ACKR2: variants seen among roughly 807,000 people sequenced by gnomAD.
ACKR2 encodes C-C chemokine receptor D6.
For synonymous variants in ACKR2, 207 were observed against 192.2 expected, an observed-to-expected ratio of 1.08 and a Z score of -0.64; for missense variants, 457 against 477.3, an observed-to-expected ratio of 0.96 and a Z score of 0.40.
chr3:42,864,602 A>G lies in ACKR2; in HGVS notation c.100A>G (p.Met34Val). 2 of 1,614,152 alleles carry G rather than the reference A, an allele frequency of 1.2e-6. No homozygotes were observed. ...YYDYLDEVAF[M>V]LCRKDAVVSF... ...TGACTACCTGGATGAAGTGGCCTTC[A>G]TGCTCTGCAGGAAGGATGCAGTGGT... Residue 34 changes from methionine to valine, a missense_variant, in exon 3 of 3, where the codon ATG (methionine) becomes GTG (valine). By Grantham distance (21) the Met-to-Val change is conservative (BLOSUM62 1). Transcript: ENST00000422265.
intron 1 of ACKR2, among the ~76,000 whole-genome samples, chr3:42,810,665 C>G (rs1700686142): frequency 6.6e-6 from 1 of 152,120 alleles, no homozygotes. Context: ...CGACCACTAC[C>G]AATAAAAAAA....
At chr3:42,860,413 C>T (rs2088373906) in intron 2 of ACKR2, among the ~76,000 whole-genome samples, 1 of 152,108 alleles carries the variant, frequency 6.6e-6, no homozygotes, top group Non-Finnish European at 1.5e-5. Flanking sequence ...GAGACTTTAA[C>T]ACCCCACTGT....
At chr3:42,817,000 G>A (rs1391918037) in intron 1 of ACKR2, among the ~76,000 whole-genome samples, 1 of 152,156 alleles carries the variant, frequency 6.6e-6, no homozygotes, top group Non-Finnish European at 1.5e-5. Context: ...ACACGGCTTT[G>A]AATAACAGCT....
chr3:42,845,109 A>C (rs1393974065), intron 2 of ACKR2, among the ~76,000 whole-genome samples: 1 of 152,162 alleles, frequency 6.6e-6, no homozygotes, highest in Admixed American at 6.5e-5. Context: ...GTGCCCCCTA[A>C]GTCCCGCAAA....
chr3:42,820,822 G>C (rs1299373365), intron 2 of ACKR2, among the ~76,000 whole-genome samples: 1 of 151,678 alleles, frequency 6.6e-6, no homozygotes. Context: ...CTGGGCTAAG[G>C]TGCAGCTTGT....
chr3:42,865,453 C>T lies in ACKR2; in HGVS notation c.951C>T (p.His317=). The stretch of plus-strand genomic sequence containing the variant: ...CCATCCTGTATGCCTTCTCCAGTCA[C>T]CGCTTCCGCCAGTACCTGAAGGCTT... ...FSPILYAFSS[H]RFRQYLKAFL... The change falls in exon 3 of 3, where the codon CAC becomes CAT. Residue 317 remains histidine, a synonymous_variant. Coordinates refer to ENST00000422265, the MANE Select transcript of ACKR2 (RefSeq NM_001296.5). The T allele has an allele frequency of 1.2e-6, 2 of 1,614,216 alleles. No homozygotes were observed. The highest frequency in any genetic ancestry group is 1.7e-6 in the Non-Finnish European group (2 of 1,180,050).
intron 1 of ACKR2, among the ~76,000 whole-genome samples, chr3:42,816,807 C>T (rs1700755362): frequency 6.6e-6 from 1 of 152,088 alleles, no homozygotes; most frequent in Admixed American, 6.6e-5. Context: ...ATCTGCCCAC[C>T]TCAGCCTCCC....
intron 1 of ACKR2, among the ~76,000 whole-genome samples, chr3:42,814,622 G>A (rs1700730803): frequency 6.6e-6 from 1 of 152,138 alleles, no homozygotes; most frequent in Admixed American, 6.6e-5. Context: ...TGAGAAAATT[G>A]GTAATAATTA....
At chr3:42,814,264 C>T (rs985618451) in intron 1 of ACKR2, among the ~76,000 whole-genome samples, 1 of 152,146 alleles carries the variant, frequency 6.6e-6, no homozygotes, top group Admixed American at 6.6e-5. Flanking sequence ...TTCCATTCTT[C>T]GTATTGGGCG....
chr3:42,833,948 A>G (rs962917639), intron 2 of ACKR2, among the ~76,000 whole-genome samples: 3 of 152,044 alleles, frequency 2.0e-5, no homozygotes, highest in Non-Finnish European at 4.4e-5. Flanking sequence ...AATATTTCAA[A>G]CATTTTCATT....
intron 2 of ACKR2, among the ~76,000 whole-genome samples, chr3:42,860,072 T>A (rs533314173): frequency 6.7e-6 from 1 of 149,012 alleles, no homozygotes; most frequent in Admixed American, 6.8e-5. Flanking sequence ...GACCCATCGG[T>A]GTGCTGTATT....
chr3:42,829,563 A>G (rs980453559), intron 2 of ACKR2, among the ~76,000 whole-genome samples: 1 of 152,036 alleles, frequency 6.6e-6, no homozygotes, highest in Non-Finnish European at 1.5e-5. Context: ...CCCATATTCT[A>G]GCTCCCTCGG....
chr3:42,816,893 A>G (rs1340818020), intron 1 of ACKR2, among the ~76,000 whole-genome samples: 1 of 152,080 alleles, frequency 6.6e-6, no homozygotes, highest in Non-Finnish European at 1.5e-5. Context: ...TGGGGACAGC[A>G]GGACACTTAA....
chr3:42,813,840 G>T lies in ACKR2; in HGVS notation c.-119+4308G>T, dbSNP rs551242393. Among the ~76,000 whole-genome samples the T allele has an allele frequency of 7.2e-5, 11 of 152,300 alleles. No individual in the cohort carries two copies. In the South Asian group the frequency reaches 2.3e-3, roughly 32 times the overall value. On this transcript the variant is annotated intron_variant, in intron 1 of 2. Transcript: ENST00000422265. ...ATTTTGTTTTTCAAGCTCTGTTGAGGAATAGATGGAATTTGTTCCATGGTG... is the reference window on the plus strand; with the variant it reads ...ATTTTGTTTTTCAAGCTCTGTTGAGTAATAGATGGAATTTGTTCCATGGTG...
intron 1 of ACKR2, among the ~76,000 whole-genome samples, chr3:42,811,116 C>T (rs1319096820): frequency 6.6e-6 from 1 of 152,208 alleles, no homozygotes; most frequent in Non-Finnish European, 1.5e-5. Flanking sequence ...TCCCAAAGTG[C>T]CTGGATTACA....
At position 42,824,243 on chromosome 3, in the gene ACKR2, A is replaced by C. The variant is rs142482832; in HGVS notation, c.-38+4532A>C. 5.9e-5 allele frequency among the ~76,000 whole-genome samples: 9 copies of C among 152,340 alleles called. No individual in the cohort carries two copies. The East Asian group carries it at 1.7e-3, about 29-fold the overall frequency. On this transcript the variant is annotated intron_variant, in intron 2 of 2. Coordinates refer to ENST00000422265, the MANE Select transcript of ACKR2 (RefSeq NM_001296.5). ...TGTAAATGCTATGTAAATAGTTGTT[A>C]TACTGTATTTTAAAAAATTTGTATT...
chr3:42,810,434 G>T (rs6769061), intron 1 of ACKR2, among the ~76,000 whole-genome samples: 149,815 of 151,910 alleles, frequency 0.99, 73,903 homozygotes, highest in Middle Eastern at 1. Flanking sequence ...CTCCTTTTTC[G>T]CCTTTTTTCC....
chr3:42,836,337 A>G (rs984850902), intron 2 of ACKR2, among the ~76,000 whole-genome samples: 8 of 152,156 alleles, frequency 5.3e-5, no homozygotes, highest in Non-Finnish European at 1.2e-4. Context: ...AATCCACCAG[A>G]TCCTGGGACT....
intron 1 of ACKR2, 137 bp from the exon 2 acceptor site, chr3:42,819,494 A>G: frequency 6.8e-6 from 1 of 147,104 alleles, no homozygotes; most frequent in Non-Finnish European, 1.5e-5. Flanking sequence ...GGCTCTTTCC[A>G]GTAGAAAAGA....
Sources: gnomAD v4.1 joint callset for allele counts (sites outside exome capture counted in the v4.1 genomes callset) on GRCh38, gnomAD v4.1.1 for gene constraint, MANE v1.5 for transcripts, NCBI Gene and HGNC (gene_info 2026-07-23, HGNC 2026-07-21) for gene names.